The following TANC2 variants were observed in gnomAD, a reference collection of about 807,000 sequenced individuals.
TANC2 encodes tetratricopeptide repeat, ankyrin repeat and coiled-coil containing 2.
In TANC2, 26 loss-of-function variants were observed where a neutral mutation model predicts 210.5. That is an observed-to-expected ratio of 0.12 (90% CI 0.09 to 0.17). The LOEUF (loss-of-function observed/expected upper bound fraction) is 0.17. TANC2 is among the 10% of genes least tolerant of loss of function. The pLI is 1.00. For missense variants in TANC2, 2,129 were observed against 2,608.9 expected, an observed-to-expected ratio of 0.82 and a Z score of 4.01; for synonymous variants, 931 against 967.1, an observed-to-expected ratio of 0.96 and a Z score of 0.69.
At chr17:63,250,876 G>A (rs2043037539) in intron 8 of TANC2, among the ~76,000 whole-genome samples, 1 of 152,136 alleles carries the variant, frequency 6.6e-6, no homozygotes, top group South Asian at 2.1e-4. Flanking sequence ...TGGAAAAAAG[G>A]AAAAGGGGGA....
chr17:63,063,531 C>CGTGTGTGTGTGT (rs59132639), intron 2 of TANC2, among the ~76,000 whole-genome samples: 4 of 108,148 alleles, frequency 3.7e-5, no homozygotes, highest in East Asian at 2.3e-4. Flanking sequence ...GGGACAAAGA[C>CGTGTGTGTGTGT]GTGTGTGTGT....
chr17:63,189,957 C>A (rs965993601), intron 5 of TANC2, among the ~76,000 whole-genome samples: 1 of 152,060 alleles, frequency 6.6e-6, no homozygotes, highest in Non-Finnish European at 1.5e-5. Context: ...ATCTTCATAC[C>A]TTTGTTTGTG....
At chr17:63,207,719 G>A (rs920170552) in intron 7 of TANC2, among the ~76,000 whole-genome samples, 9 of 152,096 alleles carry the variant, frequency 5.9e-5, no homozygotes, top group South Asian at 2.1e-4. Flanking sequence ...GGCTTGTGTC[G>A]TTAGTCATAT....
intron 8 of TANC2, among the ~76,000 whole-genome samples, chr17:63,247,331 C>CT (rs963350637): frequency 6.6e-6 from 1 of 151,840 alleles, no homozygotes; most frequent in African/African-American, 2.4e-5. Flanking sequence ...TCACTTTCCT[C>CT]TTTATCTTTT....
intron 4 of TANC2, among the ~76,000 whole-genome samples, chr17:63,118,776 A>ATTT (rs1162117818): frequency 1.7e-4 from 21 of 125,678 alleles, no homozygotes; most frequent in African/African-American, 3.4e-4. Context: ...TATCCAACTA[A>ATTT]TTTTTTTTTT....
At chr17:63,184,337 G>A (rs1367340780) in intron 5 of TANC2, among the ~76,000 whole-genome samples, 1 of 151,890 alleles carries the variant, frequency 6.6e-6, no homozygotes, top group Non-Finnish European at 1.5e-5. Context: ...GAGTAAAAAA[G>A]CATAAACAAG....
intron 5 of TANC2, among the ~76,000 whole-genome samples, chr17:63,160,990 T>TA (rs1384671635): frequency 3.9e-5 from 6 of 152,204 alleles, no homozygotes; most frequent in African/African-American, 1.4e-4. Context: ...TGTGTCTCCT[T>TA]ACCCAGATGT....
intron 21 of TANC2, among the ~76,000 whole-genome samples, chr17:63,408,871 C>T (rs1400006667): frequency 6.6e-6 from 1 of 152,216 alleles, no homozygotes; most frequent in Non-Finnish European, 1.5e-5. Context: ...TATGACATGC[C>T]TACTGTGTGA....
chr17:63,050,407 C>G (rs190883480), intron 2 of TANC2, among the ~76,000 whole-genome samples: 130 of 151,200 alleles, frequency 8.6e-4, no homozygotes, highest in African/African-American at 3.1e-3. Flanking sequence ...GTAGGCAACT[C>G]CATAAATATG....
At chr17:63,126,849 A>C (rs772293420) in intron 4 of TANC2, among the ~76,000 whole-genome samples, 2 of 151,280 alleles carry the variant, frequency 1.3e-5, no homozygotes, top group African/African-American at 2.4e-5. Context: ...TTACCTCCCC[A>C]CCCCCCACTG....
chr17:63,137,922 G>T (rs892522912), intron 4 of TANC2, among the ~76,000 whole-genome samples: 3 of 152,054 alleles, frequency 2.0e-5, no homozygotes, highest in African/African-American at 4.8e-5. Flanking sequence ...AGTGTCCAAG[G>T]TATTATATAG....
At chr17:63,155,726 A>G (rs141352953) in intron 5 of TANC2, among the ~76,000 whole-genome samples, 6 of 152,206 alleles carry the variant, frequency 3.9e-5, no homozygotes, top group Non-Finnish European at 8.8e-5. Context: ...TTCAAAGGAC[A>G]GTGTTATTTA....
rs377595755 is a variant in TANC2, at chr17:63,421,590, G to C, written c.5860G>C (p.Val1954Leu). The C allele has an allele frequency of 5.6e-6, 9 of 1,614,006 alleles. No homozygotes were observed. The highest frequency in any genetic ancestry group is 6.8e-6 in the Non-Finnish European group (8 of 1,179,876). The change falls in exon 28 of 28, where the codon GTG (valine) becomes CTG (leucine). Residue 1954 changes from valine (V) to leucine (L), a missense_variant. By Grantham distance (32) the Val-to-Leu change is conservative. Around this residue, in one of 5 missense-constraint regions of TANC2, gnomAD observed 161 missense variants for 178.6 expected, o/e 0.90. Coordinates refer to ENST00000689528, the Ensembl canonical transcript of TANC2. The surrounding 1 kb of genome is among the most constrained non-coding windows in gnomAD (Gnocchi z 6.9). ...CCACCAGCAGAATCGGACCTGGGCA[G>C]TGTCATCTGTGGACACCGTCCTCAG...
At chr17:63,086,104 A>T (rs1269742111) in intron 3 of TANC2, among the ~76,000 whole-genome samples, 2 of 150,954 alleles carry the variant, frequency 1.3e-5, no homozygotes, top group African/African-American at 2.4e-5. Context: ...TATATTAATA[A>T]TTTTTTCTTT....
intron 13 of TANC2, among the ~76,000 whole-genome samples, chr17:63,353,964 A>C (rs1319873097): frequency 1.3e-5 from 2 of 152,138 alleles, no homozygotes; most frequent in African/African-American, 4.8e-5. Context: ...AATGGGAAGG[A>C]AAGAATTATA....
At chr17:63,183,030 T>C (rs2040843413) in intron 5 of TANC2, among the ~76,000 whole-genome samples, 1 of 152,022 alleles carries the variant, frequency 6.6e-6, no homozygotes. Context: ...TCCCTATTTG[T>C]CTTAAACTTT....
At chr17:63,415,616 T>C (rs370892096) in exon 26 of TANC2, 26 of 1,613,336 alleles carry the variant, frequency 1.6e-5, no homozygotes, top group Non-Finnish European at 2.1e-5. Context: ...TTGAAAACTT[T>C]CCGGGAACTA....
chr17:63,034,293 A>C (rs1398037496), intron 2 of TANC2, among the ~76,000 whole-genome samples: 2 of 152,100 alleles, frequency 1.3e-5, no homozygotes, highest in Non-Finnish European at 2.9e-5. Flanking sequence ...AATATACTCT[A>C]CCTGTGCTCT....
intron 3 of TANC2, chr17:63,088,617 A>C (rs1442615121): frequency 6.6e-6 from 1 of 152,208 alleles, no homozygotes; most frequent in East Asian, 1.9e-4. Context: ...CAGCGCTCCT[A>C]CTAAAGGTTC....
Sources: allele counts gnomAD v4.1 joint callset (sites outside exome capture counted in the v4.1 genomes callset), GRCh38; gene constraint gnomAD v4.1.1; regional missense constraint gnomAD v4.1.1; non-coding constraint Gnocchi (gnomAD v3.1); transcripts MANE v1.5; gene names NCBI Gene and HGNC (gene_info 2026-07-23, HGNC 2026-07-21).